TBXAS1: variants seen among roughly 807,000 people sequenced by gnomAD.
The protein encoded by TBXAS1 is thromboxane A synthase 1.
In TBXAS1, 48 loss-of-function variants were observed where a neutral mutation model predicts 60.7. The observed-to-expected ratio is 0.79, with a 90% CI of 0.63 to 1.01. TBXAS1 has a LOEUF of 1.01. Among genes scored for constraint, TBXAS1 ranks in the 50% least tolerant of loss-of-function variants. The probability of loss-of-function intolerance (pLI) is 0.00; values close to 1 mark genes in which losing one functional copy is unlikely to be tolerated. For missense variants in TBXAS1, 685 were observed against 686.3 expected, an observed-to-expected ratio of 1.00 and a Z score of 0.02; for synonymous variants, 287 against 269.7, an observed-to-expected ratio of 1.06 and a Z score of -0.63.
At chr7:139,913,610 CAAT>C (rs1569512856) in intron 4 of TBXAS1, 1 of 157,760 alleles carries the variant, frequency 6.3e-6, no homozygotes, top group East Asian at 1.8e-4. Context: ...AAGGAGGACA[CAAT>C]AATATTGCCC....
intron 4 of TBXAS1, among the ~76,000 whole-genome samples, chr7:139,814,056 C>G (rs1282049605): frequency 6.6e-6 from 1 of 152,178 alleles, no homozygotes; most frequent in Non-Finnish European, 1.5e-5. Context: ...TTCTGCCTCT[C>G]CTAAATGAAG....
At chr7:139,781,968 C>A (rs1797011698) in intron 2 of TBXAS1, among the ~76,000 whole-genome samples, 1 of 150,978 alleles carries the variant, frequency 6.6e-6, no homozygotes, top group Admixed American at 6.6e-5. Flanking sequence ...GAATATGTGT[C>A]CTGTTTTATG....
At chr7:139,823,320 G>T (rs1284196452) in intron 4 of TBXAS1, among the ~76,000 whole-genome samples, 1 of 151,860 alleles carries the variant, frequency 6.6e-6, no homozygotes, top group African/African-American at 2.4e-5. Context: ...CTTATACACT[G>T]GGATTCTCAT....
At chr7:140,008,988 A>T (rs1189701417) in intron 10 of TBXAS1, among the ~76,000 whole-genome samples, 4 of 152,258 alleles carry the variant, frequency 2.6e-5, no homozygotes, top group African/African-American at 9.6e-5. Context: ...TGTGTTCTCC[A>T]GCAAGAGGAC....
At chr7:139,951,597 A>T (rs1225708643) in intron 5 of TBXAS1, among the ~76,000 whole-genome samples, 2 of 29,660 alleles carry the variant, frequency 6.7e-5, no homozygotes, top group African/African-American at 1.3e-4. Flanking sequence ...CTCTACTAAA[A>T]AAAAAAAAAA....
chr7:139,865,954 TTAA>T (rs775243559), intron 1 of TBXAS1, among the ~76,000 whole-genome samples: 13 of 149,948 alleles, frequency 8.7e-5, no homozygotes, highest in Non-Finnish European at 1.6e-4. Flanking sequence ...AGAAAGTTAG[TTAA>T]TAATGTCAAA....
At chr7:139,829,565 G>A (rs1585567988) in intron 1 of TBXAS1, 86 bp downstream of exon 1, 1 of 1,294,792 alleles carries the variant, frequency 7.7e-7, no homozygotes. Context: ...GTATGTGGGA[G>A]TGTGTTTTTC....
intron 4 of TBXAS1, chr7:139,797,503 C>A (rs1797604202): frequency 6.6e-6 from 1 of 152,182 alleles, no homozygotes. Flanking sequence ...ATTGCAAAGT[C>A]TTGTTATTCC....
rs578166527 is a variant in TBXAS1, at chr7:139,971,579, C to G, written c.1134+9346C>G. Among the ~76,000 whole-genome samples, 8 of 152,264 alleles carry G rather than the reference C, an allele frequency of 5.3e-5. No individual in the cohort carries two copies. In the South Asian group the frequency reaches 1.7e-3, roughly 32 times the overall value. On this transcript the variant is annotated intron_variant, in intron 9 of 12. Coordinates refer to ENST00000448866, the MANE Select transcript of TBXAS1 (RefSeq NM_001061.7). ...TGCCTCCCAGAGGTCATCTGGGCTGCAAATGGGTGCCAAGACCTTCCTCTG... is the reference window on the plus strand; with the variant it reads ...TGCCTCCCAGAGGTCATCTGGGCTGGAAATGGGTGCCAAGACCTTCCTCTG...
chr7:140,013,609 G>A lies in TBXAS1; in HGVS notation c.1227-2114G>A, dbSNP rs1585059390. 6.6e-6 allele frequency among the ~76,000 whole-genome samples: 1 copy of A among 152,330 alleles called. No individual in the cohort carries two copies. The highest frequency in any genetic ancestry group is 1.5e-5 in the Non-Finnish European group (1 of 68,030). On this transcript the variant is annotated intron_variant, in intron 10 of 12. Coordinates refer to ENST00000448866, the MANE Select transcript of TBXAS1 (RefSeq NM_001061.7). The surrounding 1 kb of genome is among the most constrained non-coding windows in gnomAD (Gnocchi z 4.2). ...CAGGAACCAGGAACGGCTCTCACTGGCAGGCCTCACGGAGGAGACCCAAGC... is the reference window on the plus strand; with the variant it reads ...CAGGAACCAGGAACGGCTCTCACTGACAGGCCTCACGGAGGAGACCCAAGC...
intron 9 of TBXAS1, among the ~76,000 whole-genome samples, chr7:139,984,413 G>T (rs894517157): frequency 1.3e-5 from 2 of 151,674 alleles, no homozygotes. Flanking sequence ...CAATGCCTCT[G>T]CTCCACCCAG....
intron 5 of TBXAS1, among the ~76,000 whole-genome samples, chr7:139,951,907 G>GAAAGAAAGAAAGGA (rs1334417048): frequency 5.0e-5 from 2 of 40,168 alleles, no homozygotes; most frequent in African/African-American, 9.4e-5. Context: ...AGGAAAGAAA[G>GAAAGAAAGAAAGGA]AGAAAGAAAG....
chr7:139,942,997 T>C (rs1171288945), intron 5 of TBXAS1, among the ~76,000 whole-genome samples: 2 of 152,200 alleles, frequency 1.3e-5, no homozygotes, highest in Non-Finnish European at 2.9e-5. Context: ...CAAAAGTCTT[T>C]TCAGAATTAC....
intron 4 of TBXAS1, chr7:139,913,520 T>A: frequency 4.2e-6 from 1 of 238,204 alleles, no homozygotes; most frequent in Non-Finnish European, 8.6e-6. Context: ...TACCAGGACA[T>A]GTGACCCTGA....
chr7:139,953,261 A>G, intron 5 of TBXAS1, 107 bp from the exon 6 acceptor site: 2 of 891,074 alleles, frequency 2.2e-6, no homozygotes, highest in East Asian at 2.4e-5. Flanking sequence ...TCTTCCAAAC[A>G]GTGTTCATTT....
intron 4 of TBXAS1, among the ~76,000 whole-genome samples, chr7:139,933,153 T>C (rs1476385661): frequency 6.6e-6 from 1 of 152,178 alleles, no homozygotes; most frequent in East Asian, 1.9e-4. Context: ...TAATGGAATT[T>C]CCAGGCCCAA....
At chr7:139,799,338 T>C (rs924282977) in intron 4 of TBXAS1, among the ~76,000 whole-genome samples, 9 of 151,906 alleles carry the variant, frequency 5.9e-5, no homozygotes, top group Non-Finnish European at 8.8e-5. Context: ...CAAGCAATTC[T>C]CCTGCCTCAG....
intron 9 of TBXAS1, among the ~76,000 whole-genome samples, chr7:140,005,902 C>G (rs2116376867): frequency 6.6e-6 from 1 of 152,310 alleles, no homozygotes; most frequent in South Asian, 2.1e-4. Flanking sequence ...TAACAGGTTC[C>G]CGGGTGATGC....
intron 1 of TBXAS1, among the ~76,000 whole-genome samples, chr7:139,834,017 A>T (rs139032721): frequency 6.6e-6 from 1 of 152,336 alleles, no homozygotes; most frequent in East Asian, 1.9e-4. Context: ...CATTCTATTC[A>T]ACATCATATG....
Sources: allele counts gnomAD v4.1 joint callset (sites outside exome capture counted in the v4.1 genomes callset), GRCh38; gene constraint gnomAD v4.1.1; non-coding constraint Gnocchi (gnomAD v3.1); transcripts MANE v1.5; gene names NCBI Gene and HGNC (gene_info 2026-07-23, HGNC 2026-07-21).